Variants in ADAM23 observed in about 807,000 individuals in gnomAD.
ADAM23 encodes disintegrin and metalloproteinase domain-containing protein 23.
ADAM23 carries 33 observed loss-of-function variants against 120.1 expected under a neutral mutation model. The observed-to-expected ratio is 0.27, with a 90% CI of 0.21 to 0.37. The LOEUF (loss-of-function observed/expected upper bound fraction) is 0.37, where lower values mean the gene tolerates loss of function less well. ADAM23 is among the 10% of genes least tolerant of loss of function. The pLI is 1.00. For missense variants in ADAM23, 862 were observed against 1,058.2 expected (o/e 0.81, Z 2.57); for synonymous variants, 367 against 375.2 (o/e 0.98, Z 0.25).
chr2:206,499,508 G>GGA (rs1553551907), intron 3 of ADAM23, among the ~76,000 whole-genome samples: 30 of 128,180 alleles, frequency 2.3e-4, no homozygotes, highest in Admixed American at 9.7e-4. Context: ...TGGGGGGAGG[G>GGA]GGGATAGCAT....
At chr2:206,595,499 A>T (rs1249026257) in intron 23 of ADAM23, among the ~76,000 whole-genome samples, 1 of 151,892 alleles carries the variant, frequency 6.6e-6, no homozygotes, top group Non-Finnish European at 1.5e-5. Context: ...GTGGGGGGGA[A>T]TCCTTGTTGG....
At chr2:206,494,828 G>A (rs1390962307) in intron 3 of ADAM23, among the ~76,000 whole-genome samples, 2 of 152,146 alleles carry the variant, frequency 1.3e-5, no homozygotes, top group African/African-American at 4.8e-5. Context: ...TGAAAACCAT[G>A]GCACGAGAAC....
intron 6 of ADAM23, among the ~76,000 whole-genome samples, chr2:206,545,408 C>G (rs1405087334): frequency 6.6e-6 from 1 of 152,116 alleles, no homozygotes; most frequent in Non-Finnish European, 1.5e-5. Context: ...ATCGCTTGAA[C>G]CTGGGAGGCA....
At chr2:206,586,348 G>A (rs1430821626) in intron 18 of ADAM23, among the ~76,000 whole-genome samples, 2 of 152,168 alleles carry the variant, frequency 1.3e-5, no homozygotes. Context: ...GGTGAGAGGT[G>A]GTGGTGGCTT....
chr2:206,505,502 C>T (rs1284249499), intron 3 of ADAM23, among the ~76,000 whole-genome samples: 1 of 152,080 alleles, frequency 6.6e-6, no homozygotes, highest in Non-Finnish European at 1.5e-5. Flanking sequence ...GGGGAGGCCT[C>T]AGGAAACTTA....
intron 3 of ADAM23, among the ~76,000 whole-genome samples, chr2:206,482,329 A>G (rs1381811454): frequency 1.3e-5 from 2 of 152,200 alleles, no homozygotes; most frequent in East Asian, 3.8e-4. Flanking sequence ...CCGTTTCACC[A>G]TGCTGTGTCA....
At chr2:206,474,757 T>C (rs139510751) in intron 2 of ADAM23, among the ~76,000 whole-genome samples, 14 of 152,212 alleles carry the variant, frequency 9.2e-5, no homozygotes, top group Admixed American at 2.6e-4. Flanking sequence ...GTATTTTTCA[T>C]AGAGGCAGGG....
intron 10 of ADAM23, among the ~76,000 whole-genome samples, chr2:206,558,914 C>T (rs1220058843): frequency 6.7e-6 from 1 of 148,942 alleles, no homozygotes; most frequent in Non-Finnish European, 1.5e-5. Context: ...AAAGATCATC[C>T]ATTGGTTTTT....
intron 6 of ADAM23, among the ~76,000 whole-genome samples, chr2:206,546,393 A>G (rs527504852): frequency 1.3e-5 from 2 of 152,222 alleles, no homozygotes; most frequent in Non-Finnish European, 2.9e-5. Context: ...CGATAAGTCA[A>G]GTAATACGCA....
At chr2:206,486,133 A>G (rs1209823327) in intron 3 of ADAM23, among the ~76,000 whole-genome samples, 1 of 152,152 alleles carries the variant, frequency 6.6e-6, no homozygotes, top group Non-Finnish European at 1.5e-5. Context: ...AAGCCATTGG[A>G]TGGCAGTAAG....
intron 2 of ADAM23, among the ~76,000 whole-genome samples, chr2:206,467,781 T>C (rs1018398618): frequency 1.3e-5 from 2 of 152,216 alleles, no homozygotes; most frequent in African/African-American, 2.4e-5. Flanking sequence ...CCATGAGGGC[T>C]CCGCCCCTGA....
At position 206,530,516 on chromosome 2, in the gene ADAM23, T is replaced by C. The variant is rs76686520; in HGVS notation, c.510-369T>C. Among the ~76,000 whole-genome samples, 51 of 151,686 alleles carry C rather than the reference T, an allele frequency of 3.4e-4. 3 individuals carry two copies. The East Asian group carries it at 9.9e-3, about 29-fold the overall frequency. Reference sequence around the variant, plus strand: ...AACATATCAATCAGATCCTGAATAATGTGAATAAAAAGAGTTCACCGTCCG... The same window carrying C: ...AACATATCAATCAGATCCTGAATAACGTGAATAAAAAGAGTTCACCGTCCG... On this transcript the variant is annotated intron_variant, in intron 3 of 25. Coordinates refer to ENST00000264377, the MANE Select transcript of ADAM23 (RefSeq NM_003812.4).
chr2:206,559,390 G>T (rs965096226), intron 10 of ADAM23, among the ~76,000 whole-genome samples: 10 of 152,230 alleles, frequency 6.6e-5, no homozygotes, highest in African/African-American at 2.4e-4. Context: ...ATGCCACCCA[G>T]TGGTGAGGAT....
intron 3 of ADAM23, among the ~76,000 whole-genome samples, chr2:206,496,060 A>C (rs557760014): frequency 2.0e-5 from 3 of 152,196 alleles, no homozygotes; most frequent in South Asian, 4.2e-4. Flanking sequence ...TGGGAGACTT[A>C]AACACCCCAC....
chr2:206,544,848 TAC>T (rs552070023), intron 6 of ADAM23, among the ~76,000 whole-genome samples: 321 of 152,092 alleles, frequency 2.1e-3, no homozygotes, highest in Non-Finnish European at 3.3e-3. Flanking sequence ...TTTTTATACA[TAC>T]ACAGTTCCGG....
chr2:206,554,705 G>A (rs1352388783), intron 9 of ADAM23, among the ~76,000 whole-genome samples: 1 of 152,152 alleles, frequency 6.6e-6, no homozygotes, highest in African/African-American at 2.4e-5. Flanking sequence ...AATTCTAGCT[G>A]TGTGATCTTG....
intron 24 of ADAM23, among the ~76,000 whole-genome samples, chr2:206,597,704 A>G (rs1250488367): frequency 6.6e-6 from 1 of 152,198 alleles, no homozygotes; most frequent in Non-Finnish European, 1.5e-5. Flanking sequence ...TACTGCTAAC[A>G]GTTTTTTTGT....
rs1697902732 is a variant in ADAM23 at position 206,567,179 on chromosome 2, G to T, written c.1395-44G>T. ...GTTTTAATTTTCTTCTCTGATGATT[G>T]CTTTTGGTAAATTATTTACATAGTT... On this transcript the variant is annotated intron_variant, in intron 14 of 25. Coordinates refer to ENST00000264377, the MANE Select transcript of ADAM23 (RefSeq NM_003812.4). 8 of 1,449,664 alleles carry T rather than the reference G, an allele frequency of 5.5e-6. No individual in the cohort carries two copies. In the East Asian group the frequency reaches 1.8e-4, roughly 33 times the overall value. The allele number at this position is 1,449,664 out of a possible 1,614,324, so 89.8% of individuals were successfully genotyped here.
At chr2:206,609,294 A>G (rs1698785994) in intron 24 of ADAM23, among the ~76,000 whole-genome samples, 1 of 152,200 alleles carries the variant, frequency 6.6e-6, no homozygotes, top group South Asian at 2.1e-4. Context: ...ATGCTTCCTT[A>G]TATCTTGCCT....
Sources: gnomAD v4.1 joint callset for allele counts (sites outside exome capture counted in the v4.1 genomes callset) on GRCh38, gnomAD v4.1.1 for gene constraint, MANE v1.5 for transcripts, NCBI Gene and HGNC (gene_info 2026-07-23, HGNC 2026-07-21) for gene names.